GPR137B: variants seen among roughly 807,000 people sequenced by gnomAD.
GPR137B encodes integral membrane protein GPR137B.
A neutral mutation model predicts 42.5 loss-of-function variants in GPR137B; 42 were observed. That is an observed-to-expected ratio of 0.99 (90% confidence interval 0.77 to 1.28). The LOEUF is 1.28. Among genes scored for constraint, GPR137B ranks in the 50% most tolerant of loss-of-function variants. The probability of loss-of-function intolerance (pLI) is 0.00; values close to 1 mark genes in which losing one functional copy is unlikely to be tolerated. For missense variants in GPR137B, 487 were observed against 493.9 expected (o/e 0.99, Z 0.13); for synonymous variants, 218 against 209.7 (o/e 1.04, Z -0.34).
chr1:236,144,245 T>A (rs1326851836), intron 1 of GPR137B, among the ~76,000 whole-genome samples: 1 of 152,122 alleles, frequency 6.6e-6, no homozygotes, highest in African/African-American at 2.4e-5. Context: ...CGAAACTTCC[T>A]CTCTACAAAA....
intron 1 of GPR137B, among the ~76,000 whole-genome samples, chr1:236,149,263 C>T (rs1253882210): frequency 1.3e-5 from 2 of 152,076 alleles, no homozygotes; most frequent in African/African-American, 4.8e-5. Context: ...ATCGCAGTGC[C>T]TGACATGAGA....
chr1:236,151,856 C>T (rs1442188962), intron 1 of GPR137B, among the ~76,000 whole-genome samples: 1 of 152,204 alleles, frequency 6.6e-6, no homozygotes, highest in Non-Finnish European at 1.5e-5. Context: ...GCTACTCTCC[C>T]TGTCACCTTG....
intron 2 of GPR137B, 62 bp from the exon 3 acceptor site, chr1:236,178,352 C>T (rs995101435): frequency 6.2e-6 from 6 of 969,098 alleles, no homozygotes; most frequent in South Asian, 5.3e-5. Context: ...CAAAACACAT[C>T]TCAGTGTCCT....
Position 236,142,543 on chromosome 1 carries a change from T to A in GPR137B, c.-80T>A. 1 of 734,570 alleles carries A rather than the reference T, an allele frequency of 1.4e-6. No individual in the cohort carries two copies. Among genetic ancestry groups the A allele is most frequent in the Non-Finnish European group, 1.9e-6 (1 of 530,340 alleles). 45.5% of individuals were successfully genotyped at this position (734,570 alleles called of 1,614,324 possible). ...CCGGGGGAGGAAGTGCGGCTTGTTTTCTTTCCTCCAGTCTCGGGGCTGCAG... is the reference window on the plus strand; with the variant it reads ...CCGGGGGAGGAAGTGCGGCTTGTTTACTTTCCTCCAGTCTCGGGGCTGCAG... On this transcript the variant is annotated 5_prime_UTR_variant, in exon 1 of 7. Coordinates refer to ENST00000366592, the MANE Select transcript of GPR137B (RefSeq NM_003272.4).
At chr1:236,202,908 G>T (rs1558496929) in intron 5 of GPR137B, among the ~76,000 whole-genome samples, 1 of 152,138 alleles carries the variant, frequency 6.6e-6, no homozygotes, top group Non-Finnish European at 1.5e-5. Context: ...TAGTGGTCTA[G>T]TTTCATTCTT....
chr1:236,146,400 A>G (rs183632596), intron 1 of GPR137B, among the ~76,000 whole-genome samples: 1 of 152,278 alleles, frequency 6.6e-6, no homozygotes, highest in Non-Finnish European at 1.5e-5. Context: ...GATGGTGGGA[A>G]GGAAGTCGTG....
chr1:236,176,890 CTG>C (rs1479949824), intron 2 of GPR137B, among the ~76,000 whole-genome samples: 2 of 152,150 alleles, frequency 1.3e-5, no homozygotes, highest in African/African-American at 2.4e-5. Context: ...GGTCACCCGT[CTG>C]TTTTGTTATA....
At chr1:236,203,385 C>T (rs1663556207) in intron 5 of GPR137B, among the ~76,000 whole-genome samples, 1 of 152,128 alleles carries the variant, frequency 6.6e-6, no homozygotes, top group South Asian at 2.1e-4. Context: ...CCCTATGTGT[C>T]TGTTCCTATA....
intron 2 of GPR137B, among the ~76,000 whole-genome samples, chr1:236,174,438 G>A (rs980109770): frequency 1.3e-5 from 2 of 152,190 alleles, no homozygotes; most frequent in Admixed American, 1.3e-4. Context: ...TGAGTGCTGG[G>A]TTCTGGAAGA....
At chr1:236,181,879 A>G (rs1031686216) in intron 4 of GPR137B, among the ~76,000 whole-genome samples, 2 of 124,420 alleles carry the variant, frequency 1.6e-5, no homozygotes, top group African/African-American at 6.9e-5. Context: ...AGTAAAATAC[A>G]CATAATATTT....
intron 1 of GPR137B, among the ~76,000 whole-genome samples, chr1:236,167,315 A>G (rs1335371401): frequency 6.6e-6 from 1 of 152,250 alleles, no homozygotes; most frequent in Non-Finnish European, 1.5e-5. Context: ...TAAACAATAC[A>G]TTGTTACTGA....
intron 5 of GPR137B, among the ~76,000 whole-genome samples, chr1:236,188,727 G>A (rs10924662): frequency 1.3e-5 from 2 of 151,906 alleles, no homozygotes; most frequent in Non-Finnish European, 2.9e-5. Context: ...TTGCCAGTAC[G>A]TTATTGAGGA....
intron 5 of GPR137B, among the ~76,000 whole-genome samples, chr1:236,204,434 TCCTC>T (rs1443657445): frequency 2.0e-5 from 3 of 152,228 alleles, no homozygotes; most frequent in Non-Finnish European, 4.4e-5. Flanking sequence ...TACTCCCTCT[TCCTC>T]TATTTTTTTT....
rs1185048527 is a variant in GPR137B, at chr1:236,157,380, C to T, written c.415-11326C>T. Among the ~76,000 whole-genome samples, 5 of 152,294 alleles carry T rather than the reference C, an allele frequency of 3.3e-5. 1 individual carries two copies. The highest frequency in any genetic ancestry group is 4.1e-4 in the South Asian group (2 of 4,822). The stretch of plus-strand genomic sequence containing the variant: ...CTGGGACTACAGGCGCCCGCCACCA[C>T]GCCCGGCTAATTTTTTGTATTTTTA... On this transcript the variant is annotated intron_variant, in intron 1 of 6. Coordinates refer to ENST00000366592, the MANE Select transcript of GPR137B (RefSeq NM_003272.4).
intron 1 of GPR137B, among the ~76,000 whole-genome samples, chr1:236,166,337 C>CGT (rs1372561780): frequency 6.9e-6 from 1 of 144,742 alleles, no homozygotes; most frequent in Non-Finnish European, 1.6e-5. Flanking sequence ...CCAAAGGTGA[C>CGT]GTGTCTTGCC....
intron 1 of GPR137B, among the ~76,000 whole-genome samples, chr1:236,159,542 G>A (rs1391378285): frequency 6.6e-6 from 1 of 151,764 alleles, no homozygotes; most frequent in South Asian, 2.1e-4. Flanking sequence ...GCATGGTGGC[G>A]GGTGCTTGTA....
intron 5 of GPR137B, among the ~76,000 whole-genome samples, chr1:236,184,358 T>C (rs1345272886): frequency 6.6e-6 from 1 of 152,164 alleles, no homozygotes; most frequent in Non-Finnish European, 1.5e-5. Context: ...GAGACATCAT[T>C]GTAAGGAATG....
At chr1:236,189,096 T>C (rs1057380031) in intron 5 of GPR137B, among the ~76,000 whole-genome samples, 7 of 152,380 alleles carry the variant, frequency 4.6e-5, no homozygotes, top group African/African-American at 1.4e-4. Flanking sequence ...GATCTTCTAG[T>C]TTATTTGCAT....
At position 236,208,743 on chromosome 1, in the gene GPR137B, T is replaced by C. The variant is rs1663741844; in HGVS notation, c.*585T>C. 1.0e-6 allele frequency: 1 copy of C among 985,466 alleles called. No individual in the cohort carries two copies. The highest frequency in any genetic ancestry group is 1.7e-5 in the African/African-American group (1 of 57,354). The allele number at this position is 985,466 out of a possible 1,614,324, so 61.0% of individuals were successfully genotyped here. ...AGACTGTAAGGTCTTTAGAGATTTT[T>C]TTTTTAAGGTTCAGGCCGTAGGTTC... On this transcript the variant is annotated 3_prime_UTR_variant, in exon 7 of 7. Transcript: ENST00000366592.
Sources: gnomAD v4.1 joint callset for allele counts (sites outside exome capture counted in the v4.1 genomes callset) on GRCh38, gnomAD v4.1.1 for gene constraint, MANE v1.5 for transcripts, NCBI Gene and HGNC (gene_info 2026-07-23, HGNC 2026-07-21) for gene names.